Variants in TRPM3 observed in about 807,000 individuals in gnomAD.
TRPM3 encodes long transient receptor potential channel 3.
A neutral mutation model predicts 181.2 loss-of-function variants in TRPM3; 77 were observed. The observed-to-expected ratio is 0.42, with a 90% CI of 0.35 to 0.51. The LOEUF is 0.51. TRPM3 is among the 20% of genes least tolerant of loss of function. The pLI is 0.01. For synonymous variants in TRPM3, 745 were observed against 796.4 expected, an observed-to-expected ratio of 0.94 and a Z score of 1.09; for missense variants, 1,759 against 2,196.7, an observed-to-expected ratio of 0.80 and a Z score of 3.98.
At position 70,752,734 on chromosome 9, in the gene TRPM3, T is replaced by C. The variant is rs530211140; in HGVS notation, c.1272+8867A>G. ...CAGTATTCAGAACTGTAATATGCCA[T>C]TCAAATTTGTAGCCTAGGGACAAAT... On this transcript the variant is annotated intron_variant, in intron 8 of 25. Coordinates refer to ENST00000677713, the MANE Select transcript of TRPM3 (RefSeq NM_001366145.2). 2.9e-4 allele frequency among the ~76,000 whole-genome samples: 44 copies of C among 152,308 alleles called. No individual in the cohort carries two copies. In the East Asian group the frequency reaches 8.1e-3, roughly 28 times the overall value.
intron 1 of TRPM3, among the ~76,000 whole-genome samples, chr9:70,932,256 G>T (rs1258375688): frequency 6.6e-6 from 1 of 152,102 alleles, no homozygotes; most frequent in East Asian, 1.9e-4. Context: ...GACTGATTGT[G>T]ATGGAAAGTA....
intron 1 of TRPM3, among the ~76,000 whole-genome samples, chr9:71,378,211 T>C (rs1463410988): frequency 2.0e-5 from 3 of 151,720 alleles, no homozygotes; most frequent in Non-Finnish European, 4.4e-5. Flanking sequence ...CCAAATAGGG[T>C]TTAATTTTAT....
chr9:70,764,068 C>G (rs7875949), intron 7 of TRPM3, among the ~76,000 whole-genome samples: 26,774 of 151,962 alleles, frequency 0.18, 3,119 homozygotes, highest in African/African-American at 0.32. Flanking sequence ...AGGGAGTGAG[C>G]AGGAACAAGA....
intron 1 of TRPM3, among the ~76,000 whole-genome samples, chr9:71,347,569 A>T (rs1020501811): frequency 1.3e-5 from 2 of 152,162 alleles, no homozygotes; most frequent in African/African-American, 4.8e-5. Context: ...TGAATAGCTT[A>T]ATTTTTTGCT....
At chr9:71,011,337 T>C (rs1011679600) in intron 1 of TRPM3, among the ~76,000 whole-genome samples, 8 of 152,172 alleles carry the variant, frequency 5.3e-5, no homozygotes, top group Non-Finnish European at 1.2e-4. Context: ...TTTAAACTGA[T>C]GGATATGGTA....
chr9:71,264,440 G>T (rs2132090548), intron 1 of TRPM3, among the ~76,000 whole-genome samples: 1 of 152,150 alleles, frequency 6.6e-6, no homozygotes, highest in Non-Finnish European at 1.5e-5. Flanking sequence ...CTGGGGGAAG[G>T]GAGTGAATGA....
chr9:70,755,511 C>T (rs1471644759), intron 8 of TRPM3, among the ~76,000 whole-genome samples: 2 of 151,878 alleles, frequency 1.3e-5, no homozygotes, highest in Non-Finnish European at 2.9e-5. Context: ...GCTGGGATTA[C>T]AGGCATGCAC....
At chr9:71,324,125 A>C (rs2089468980) in intron 1 of TRPM3, among the ~76,000 whole-genome samples, 1 of 152,150 alleles carries the variant, frequency 6.6e-6, no homozygotes, top group Non-Finnish European at 1.5e-5. Context: ...GAATGCATTC[A>C]CCTGGTATGA....
intron 1 of TRPM3, among the ~76,000 whole-genome samples, chr9:71,443,492 G>C (rs979251021): frequency 6.6e-6 from 1 of 152,142 alleles, no homozygotes; most frequent in Non-Finnish European, 1.5e-5. Context: ...CACTGCTTCT[G>C]CCTGTCACCA....
chr9:70,998,212 C>T (rs2097562611), intron 1 of TRPM3, among the ~76,000 whole-genome samples: 1 of 142,630 alleles, frequency 7.0e-6, no homozygotes, highest in African/African-American at 2.6e-5. Context: ...CATATATATA[C>T]ACATATATAT....
intron 17 of TRPM3, 36 bp downstream of exon 17, chr9:70,618,831 C>A: frequency 6.3e-7 from 1 of 1,582,166 alleles, no homozygotes; most frequent in Non-Finnish European, 8.6e-7. Context: ...ACCCGCCGGT[C>A]CTCATAGCCA....
At chr9:71,234,994 C>T (rs950543559) in intron 1 of TRPM3, among the ~76,000 whole-genome samples, 10 of 152,326 alleles carry the variant, frequency 6.6e-5, no homozygotes, top group Non-Finnish European at 1.5e-4. Context: ...GTACTAACGT[C>T]AAATTCCTTC....
In TRPM3 at chr9:70,534,263, G is replaced by A. The variant is rs1011382865; in HGVS notation, c.*1690C>T. On this transcript the variant is annotated 3_prime_UTR_variant, in exon 26 of 26. Coordinates refer to ENST00000677713, the MANE Select transcript of TRPM3 (RefSeq NM_001366145.2). ...AGACTAAATGAGATGTCCTGATAGT[G>A]AGTGATTTCAGACAAAAAAGGGCAG... The A allele has an allele frequency of 1.3e-5, 2 of 152,136 alleles. No individual in the cohort carries two copies. The highest frequency in any genetic ancestry group is 2.9e-5 in the Non-Finnish European group (2 of 68,026). 9.4% of individuals were successfully genotyped at this position (152,136 alleles called of 1,614,324 possible).
At chr9:70,805,313 C>T (rs1353965181) in intron 6 of TRPM3, among the ~76,000 whole-genome samples, 1 of 151,642 alleles carries the variant, frequency 6.6e-6, no homozygotes, top group Non-Finnish European at 1.5e-5. Context: ...TTGACTTTAC[C>T]TCACGAGGTC....
chr9:71,322,014 G>T (rs900341912), intron 1 of TRPM3, among the ~76,000 whole-genome samples: 2 of 152,096 alleles, frequency 1.3e-5, no homozygotes, highest in Non-Finnish European at 2.9e-5. Flanking sequence ...ATACACAGAA[G>T]TAAGAAAGCT....
intron 1 of TRPM3, among the ~76,000 whole-genome samples, chr9:71,405,559 G>A (rs2093421780): frequency 1.3e-5 from 2 of 151,854 alleles, no homozygotes; most frequent in South Asian, 4.2e-4. Context: ...CTTCCTTTAG[G>A]AATGTGAAAA....
intron 3 of TRPM3, among the ~76,000 whole-genome samples, chr9:70,851,614 T>C (rs4112753): frequency 0.36 from 55,419 of 151,976 alleles, 10,524 homozygotes; most frequent in Non-Finnish European, 0.38. Context: ...TTGAAGTAAC[T>C]TAACCCATAC....
chr9:70,974,105 A>T (rs2097273442), intron 1 of TRPM3, among the ~76,000 whole-genome samples: 1 of 152,230 alleles, frequency 6.6e-6, no homozygotes, highest in South Asian at 2.1e-4. Context: ...CAGTCATTAT[A>T]GTTTGAAGGA....
intron 1 of TRPM3, among the ~76,000 whole-genome samples, chr9:71,394,223 TG>T (rs1359496433): frequency 6.6e-6 from 1 of 152,220 alleles, no homozygotes; most frequent in Non-Finnish European, 1.5e-5. Context: ...ATTCTATTAT[TG>T]ATGCATCATA....
Sources: allele counts gnomAD v4.1 joint callset (sites outside exome capture counted in the v4.1 genomes callset), GRCh38; gene constraint gnomAD v4.1.1; transcripts MANE v1.5; gene names NCBI Gene and HGNC (gene_info 2026-07-23, HGNC 2026-07-21).